THRB: variants seen among roughly 807,000 people sequenced by gnomAD.
THRB encodes the protein thyroid hormone receptor beta, also known as nuclear receptor subfamily 1 group A member 2.
Under a neutral mutation model 47.8 loss-of-function variants are expected in THRB, and 12 were observed. The observed-to-expected ratio is 0.25, with a 90% confidence interval of 0.16 to 0.41. THRB has a LOEUF of 0.41. Among genes scored for constraint, THRB ranks in the 10% least tolerant of loss-of-function variants. The probability of loss-of-function intolerance (pLI) is 1.00; values close to 1 mark genes in which losing one functional copy is unlikely to be tolerated. For synonymous variants in THRB, 218 were observed against 212.2 expected, an observed-to-expected ratio of 1.03 and a Z score of -0.24; for missense variants, 348 against 589.2, an observed-to-expected ratio of 0.59 and a Z score of 4.24.
chr3:24,230,792 A>C (rs1452506359), intron 3 of THRB, among the ~76,000 whole-genome samples: 1 of 152,158 alleles, frequency 6.6e-6, no homozygotes, highest in Non-Finnish European at 1.5e-5. Flanking sequence ...CTGGCTTAAG[A>C]CTTGAGCTGG....
intron 2 of THRB, among the ~76,000 whole-genome samples, chr3:24,332,101 A>G (rs1005275146): frequency 1.3e-5 from 2 of 152,184 alleles, no homozygotes; most frequent in Non-Finnish European, 2.9e-5. Context: ...GAGTCGGTAG[A>G]TGAGATTGTA....
chr3:24,149,463 G>A (rs1018314383), intron 6 of THRB, among the ~76,000 whole-genome samples: 5 of 152,140 alleles, frequency 3.3e-5, no homozygotes, highest in African/African-American at 1.2e-4. Context: ...AATGAGGTGT[G>A]ACACACCAGA....
intron 1 of THRB, among the ~76,000 whole-genome samples, chr3:24,488,464 G>T (rs1577955566): frequency 6.6e-6 from 1 of 151,884 alleles, no homozygotes; most frequent in Admixed American, 6.6e-5. Context: ...ATAAAAATTG[G>T]ATAAAACATG....
At chr3:24,128,102 G>T (rs774419747) in intron 9 of THRB, among the ~76,000 whole-genome samples, 1 of 152,172 alleles carries the variant, frequency 6.6e-6, no homozygotes, top group Non-Finnish European at 1.5e-5. Context: ...CTGCTTGAGA[G>T]CAGGGTTTAT....
intron 4 of THRB, among the ~76,000 whole-genome samples, chr3:24,192,198 CG>C (rs1280457340): frequency 6.6e-6 from 1 of 152,140 alleles, no homozygotes; most frequent in African/African-American, 2.4e-5. Flanking sequence ...CTTGAAAGAT[CG>C]TATTGCATTT....
At chr3:24,490,346 T>C (rs1296043693) in intron 1 of THRB, among the ~76,000 whole-genome samples, 7 of 152,178 alleles carry the variant, frequency 4.6e-5, no homozygotes, top group Admixed American at 2.0e-4. Context: ...TCTGGACATA[T>C]GATGCAATGC....
chr3:24,325,584 G>A (rs1253498021), intron 2 of THRB, among the ~76,000 whole-genome samples: 1 of 152,176 alleles, frequency 6.6e-6, no homozygotes, highest in Non-Finnish European at 1.5e-5. Context: ...CTACTCAGGA[G>A]ACTGAGGCAG....
intron 3 of THRB, among the ~76,000 whole-genome samples, chr3:24,290,094 A>G (rs910660090): frequency 1.3e-5 from 2 of 152,218 alleles, no homozygotes; most frequent in African/African-American, 4.8e-5. Context: ...AGCCACCCAG[A>G]GACATGTTTG....
chr3:24,172,023 T>A (rs1028725313), intron 5 of THRB, among the ~76,000 whole-genome samples: 1 of 152,180 alleles, frequency 6.6e-6, no homozygotes, highest in Non-Finnish European at 1.5e-5. Flanking sequence ...AAATGACACA[T>A]TAATGCTCCT....
Position 24,122,998 on chromosome 3 carries a change from C to T in THRB, c.1272G>A (p.Lys424=). 1 of 1,614,144 alleles carries T rather than the reference C, an allele frequency of 6.2e-7. No individual in the cohort carries two copies. The highest frequency in any genetic ancestry group is 8.5e-7 in the Non-Finnish European group (1 of 1,180,044). ...CTCCTATCATCCGCAGATCTGTCAC[C>T]TTCATCAGGAGTTTTGGCCAAAAGT... ...VTHFWPKLLM[K]VTDLRMIGAC... Residue 424 remains lysine (K), a synonymous_variant, in exon 11 of 11, where the codon AAG becomes AAA. Transcript: ENST00000646209.
rs114381117 is a variant in THRB at position 24,475,177 on chromosome 3, T to C, written c.-261+19475A>G. Among the ~76,000 whole-genome samples the C allele has an allele frequency of 1.9e-3, 293 of 152,234 alleles. 1 individual carries two copies. Among genetic ancestry groups the C allele is most frequent in the African/African-American group, 6.9e-3 (288 of 41,540 alleles). On this transcript the variant is annotated intron_variant, in intron 1 of 10. Transcript: ENST00000646209. ...AGAGTCTGAAATATGATGTAAGGAT[T>C]TTTTTCAAGTGAGCAAAAAATTGCT...
intron 3 of THRB, among the ~76,000 whole-genome samples, chr3:24,256,153 G>A (rs1413162541): frequency 6.6e-6 from 1 of 152,218 alleles, no homozygotes; most frequent in East Asian, 1.9e-4. Flanking sequence ...ACTAAGGGAA[G>A]AGACAAGAAG....
chr3:24,217,327 A>G (rs1378010607), intron 4 of THRB, among the ~76,000 whole-genome samples: 1 of 152,050 alleles, frequency 6.6e-6, no homozygotes, highest in East Asian at 1.9e-4. Flanking sequence ...ATGCCTTCAG[A>G]TTTTTGAAAA....
chr3:24,477,497 C>A (rs1208222569), intron 1 of THRB, among the ~76,000 whole-genome samples: 6 of 152,088 alleles, frequency 3.9e-5, no homozygotes, highest in Non-Finnish European at 8.8e-5. Context: ...TGGGCTGGAG[C>A]TCTAGATTCT....
At chr3:24,277,261 C>G (rs1011210513) in intron 3 of THRB, among the ~76,000 whole-genome samples, 2 of 152,148 alleles carry the variant, frequency 1.3e-5, no homozygotes, top group Admixed American at 1.3e-4. Flanking sequence ...GAGCGGGTGC[C>G]ACGGGCATCT....
intron 3 of THRB, among the ~76,000 whole-genome samples, chr3:24,290,959 T>G (rs755843433): frequency 2.0e-5 from 3 of 152,188 alleles, no homozygotes; most frequent in Non-Finnish European, 4.4e-5. Context: ...CAAAGAGAAG[T>G]GGTTCAGGCA....
At chr3:24,233,552 A>AAAG (rs1341092754) in intron 3 of THRB, among the ~76,000 whole-genome samples, 4 of 83,072 alleles carry the variant, frequency 4.8e-5, no homozygotes, top group East Asian at 7.1e-4. Flanking sequence ...AGAGAAAGAA[A>AAAG]GAAAAAGGAA....
intron 1 of THRB, among the ~76,000 whole-genome samples, chr3:24,457,570 C>T (rs1365869080): frequency 6.6e-6 from 1 of 152,148 alleles, no homozygotes; most frequent in African/African-American, 2.4e-5. Context: ...TAAAAGGCAA[C>T]AAACTAGTGA....
chr3:24,347,560 A>G (rs542095648), intron 1 of THRB, among the ~76,000 whole-genome samples: 3 of 151,364 alleles, frequency 2.0e-5, no homozygotes, highest in African/African-American at 7.2e-5. Context: ...AATAATAAAT[A>G]ATAAAAAAAG....
Sources: allele counts gnomAD v4.1 joint callset (sites outside exome capture counted in the v4.1 genomes callset), GRCh38; gene constraint gnomAD v4.1.1; transcripts MANE v1.5; gene names NCBI Gene and HGNC (gene_info 2026-07-23, HGNC 2026-07-21).